The following PDE4D variants were observed in gnomAD, a reference collection of about 807,000 sequenced individuals.
The protein encoded by PDE4D is phosphodiesterase 4D.
A neutral mutation model predicts 87.4 loss-of-function variants in PDE4D; 24 were observed. That is an observed-to-expected ratio of 0.27 (90% CI 0.20 to 0.39). PDE4D has a LOEUF of 0.39. Ranked by LOEUF, PDE4D falls within the 10% of genes least tolerant of loss-of-function variation. The pLI is 1.00. For missense variants in PDE4D, 714 were observed against 1,041.0 expected (o/e 0.69, Z 4.32); for synonymous variants, 384 against 383.2 (o/e 1.00, Z -0.02).
intron 1 of PDE4D, among the ~76,000 whole-genome samples, chr5:59,630,327 T>G (rs1424942063): frequency 6.6e-6 from 1 of 152,214 alleles, no homozygotes; most frequent in Non-Finnish European, 1.5e-5. Context: ...AGCCTGACAC[T>G]CATATTATCT....
chr5:60,414,284 C>T (rs1742298170), intron 1 of PDE4D, among the ~76,000 whole-genome samples: 1 of 151,968 alleles, frequency 6.6e-6, no homozygotes, highest in African/African-American at 2.4e-5. Flanking sequence ...AATCTGCCTC[C>T]CTAGAGAATG....
intron 1 of PDE4D, among the ~76,000 whole-genome samples, chr5:59,659,192 G>C (rs895989950): frequency 6.6e-6 from 1 of 152,212 alleles, no homozygotes; most frequent in Non-Finnish European, 1.5e-5. Flanking sequence ...GGGAGAATTT[G>C]CTTAGAATGA....
At chr5:59,240,008 G>T (rs1476240303) in intron 1 of PDE4D, among the ~76,000 whole-genome samples, 1 of 152,040 alleles carries the variant, frequency 6.6e-6, no homozygotes, top group East Asian at 1.9e-4. Flanking sequence ...CAATGCTTTG[G>T]TATTTTAATA....
chr5:59,016,878 T>C (rs754160504), intron 6 of PDE4D, among the ~76,000 whole-genome samples: 5 of 152,034 alleles, frequency 3.3e-5, no homozygotes, highest in East Asian at 1.9e-4. Context: ...CTTGGACTTA[T>C]GGGGCAAAAA....
chr5:59,639,891 T>C (rs1741273854), intron 1 of PDE4D, among the ~76,000 whole-genome samples: 2 of 150,696 alleles, frequency 1.3e-5, no homozygotes, highest in African/African-American at 4.9e-5. Context: ...GTTTCTTTGG[T>C]TGTTGTCCAG....
intron 1 of PDE4D, chr5:59,586,806 G>A: frequency 6.1e-6 from 6 of 985,398 alleles, no homozygotes; most frequent in Non-Finnish European, 7.2e-6. Context: ...TGTTAAAGAA[G>A]TGTTAGAAGG....
Position 58,975,547 on chromosome 5 carries a change from A to G in PDE4D, c.2013+110T>C. 6 of 882,916 alleles carry G rather than the reference A, an allele frequency of 6.8e-6. No individual in the cohort carries two copies. The highest frequency in any genetic ancestry group is 1.7e-5 in the African/African-American group (1 of 58,230). 54.7% of individuals were successfully genotyped at this position (882,916 alleles called of 1,614,324 possible). On this transcript the variant is annotated intron_variant, in intron 14 of 14. Transcript: ENST00000340635. The surrounding 1 kb of genome is among the most constrained non-coding windows in gnomAD (Gnocchi z 4.2). ...TAAGGTGAAATTGAGCTTGTCAAAAACAAAGTAATTTTAAAAATCCAGTAA... is the reference window on the plus strand; with the variant it reads ...TAAGGTGAAATTGAGCTTGTCAAAAGCAAAGTAATTTTAAAAATCCAGTAA...
intron 1 of PDE4D, among the ~76,000 whole-genome samples, chr5:60,244,901 A>G (rs970660261): frequency 6.6e-6 from 1 of 152,028 alleles, no homozygotes; most frequent in Non-Finnish European, 1.5e-5. Flanking sequence ...TTTCTTGAGT[A>G]ATGCTCCACA....
chr5:59,532,836 G>A (rs578213544), intron 1 of PDE4D, among the ~76,000 whole-genome samples: 38 of 152,264 alleles, frequency 2.5e-4, no homozygotes, highest in African/African-American at 8.9e-4. Context: ...CCTAGACTGA[G>A]TGTAGCATGA....
intron 1 of PDE4D, among the ~76,000 whole-genome samples, chr5:59,818,548 T>C (rs936952434): frequency 6.6e-6 from 1 of 152,234 alleles, no homozygotes; most frequent in African/African-American, 2.4e-5. Context: ...TTTCTGAGCA[T>C]CTTGGGCCTC....
In PDE4D at chr5:59,768,453, A is replaced by G. The variant is rs748525357; in HGVS notation, c.455+124715T>C. 2.5e-6 allele frequency: 4 copies of G among 1,598,282 alleles called. No homozygotes were observed. In the African/African-American group the frequency reaches 4.0e-5, roughly 16 times the overall value. On this transcript the variant is annotated intron_variant, in intron 1 of 14. Coordinates refer to ENST00000340635, the MANE Select transcript of PDE4D (RefSeq NM_001104631.2). The stretch of plus-strand genomic sequence containing the variant: ...CTTCGTTCAGCCACGGGTTTGGACA[A>G]TGCGGATTATCCACTTCAGGTACTG...
chr5:59,874,514 T>C (rs1399217479), intron 1 of PDE4D, among the ~76,000 whole-genome samples: 1 of 152,162 alleles, frequency 6.6e-6, no homozygotes, highest in African/African-American at 2.4e-5. Flanking sequence ...GTGATGATAT[T>C]CATTAAAGAA....
intron 2 of PDE4D, among the ~76,000 whole-genome samples, chr5:60,085,870 A>T (rs1774464531): frequency 6.6e-6 from 1 of 152,228 alleles, no homozygotes; most frequent in Non-Finnish European, 1.5e-5. Context: ...TTATGTAAAG[A>T]GGGGATTTGT....
chr5:59,691,611 C>T (rs545317469), intron 1 of PDE4D, among the ~76,000 whole-genome samples: 1 of 151,174 alleles, frequency 6.6e-6, no homozygotes, highest in Non-Finnish European at 1.5e-5. Flanking sequence ...AGTAGATATA[C>T]GTAATGTAAA....
intron 3 of PDE4D, among the ~76,000 whole-genome samples, chr5:59,963,891 C>A (rs1581935188): frequency 6.6e-6 from 1 of 152,152 alleles, no homozygotes; most frequent in South Asian, 2.1e-4. Context: ...CTAAGACCAG[C>A]TCTTGTTCTT....
chr5:60,501,539 T>C (rs555838583), intron 1 of PDE4D, among the ~76,000 whole-genome samples: 2 of 151,530 alleles, frequency 1.3e-5, no homozygotes, highest in Non-Finnish European at 2.9e-5. Flanking sequence ...CTGGGTCAAA[T>C]GGTATTTCTA....
At chr5:59,756,463 C>T (rs989516503) in intron 1 of PDE4D, among the ~76,000 whole-genome samples, 5 of 151,116 alleles carry the variant, frequency 3.3e-5, no homozygotes, top group African/African-American at 4.9e-5. Context: ...CATTCATATA[C>T]ACCAAAGCCA....
At position 58,973,166 on chromosome 5, in the gene PDE4D, T is replaced by C. The variant is rs1306255053; in HGVS notation, c.*1498A>G. The C allele has an allele frequency of 2.6e-5, 4 of 152,210 alleles. No individual in the cohort carries two copies. The highest frequency in any genetic ancestry group is 4.4e-5 in the Non-Finnish European group (3 of 68,026). The allele number at this position is 152,210 out of a possible 1,614,324, so 9.4% of individuals were successfully genotyped here. A position where few individuals can be genotyped will look rare whatever the true frequency, so the allele number is the denominator to read the frequency against. On this transcript the variant is annotated 3_prime_UTR_variant, in exon 15 of 15. Transcript: ENST00000340635. ...AGTTGTATTGGTGTTTGTTAATATA[T>C]TGTTAATATTCTTAAAAACTGCCTA...
rs548881737 is a variant in PDE4D, at chr5:60,441,641, T to A, written c.-90+46301A>T. 2.0e-5 allele frequency among the ~76,000 whole-genome samples: 3 copies of A among 152,072 alleles called. No homozygotes were observed. The South Asian group carries it at 6.2e-4, about 32-fold the overall frequency. On this transcript the variant is annotated intron_variant, in intron 1 of 16. Coordinates refer to the PDE4D transcript ENST00000502484. ...ACAGCAAAAGAAACTATCATCAGAG[T>A]GAACAGGCACCCTACAGAGTGGGAG...
Sources: allele counts gnomAD v4.1 joint callset (sites outside exome capture counted in the v4.1 genomes callset), GRCh38; gene constraint gnomAD v4.1.1; non-coding constraint Gnocchi (gnomAD v3.1); transcripts MANE v1.5; gene names NCBI Gene and HGNC (gene_info 2026-07-23, HGNC 2026-07-21).